The following ADGRL2 variants were observed in gnomAD, a reference collection of about 807,000 sequenced individuals.
ADGRL2 encodes the protein adhesion G protein-coupled receptor L2, also known as calcium-independent alpha-latrotoxin receptor 2.
A neutral mutation model predicts 157.4 loss-of-function variants in ADGRL2; 44 were observed. The observed-to-expected ratio is 0.28, with a 90% CI of 0.22 to 0.36. The LOEUF (loss-of-function observed/expected upper bound fraction) is 0.36, where lower values mean the gene tolerates loss of function less well. Among genes scored for constraint, ADGRL2 ranks in the 10% least tolerant of loss-of-function variants. The pLI is 1.00. For synonymous variants in ADGRL2, 585 were observed against 624.7 expected (o/e 0.94, Z 0.95); for missense variants, 1,510 against 1,768.9 (o/e 0.85, Z 2.63).
intron 2 of ADGRL2, among the ~76,000 whole-genome samples, chr1:81,469,418 C>T (rs145528666): frequency 2.6e-5 from 4 of 152,250 alleles, no homozygotes; most frequent in East Asian, 3.9e-4. Flanking sequence ...CTGTTAAAGT[C>T]GCTTACAGAC....
rs139256785 is a variant in ADGRL2, at chr1:81,499,117, C to T, written c.-248+54028C>T. Among the ~76,000 whole-genome samples, 190 of 152,330 alleles carry T rather than the reference C, an allele frequency of 1.2e-3. 1 individual carries two copies. Among genetic ancestry groups the T allele is most frequent in the African/African-American group, 4.4e-3 (184 of 41,576 alleles). On this transcript the variant is annotated intron_variant, in intron 2 of 24. Coordinates refer to the ADGRL2 transcript ENST00000370721. ...TTTTGGAGGGGCATAACACATGAAG[C>T]TTGTACAGCAATCTCTTACCTACAT...
In ADGRL2 at chr1:81,389,468, A is replaced by C. The variant is rs868391204; in HGVS notation, c.-301-55568A>C. Among the ~76,000 whole-genome samples, 17 of 152,336 alleles carry C rather than the reference A, an allele frequency of 1.1e-4. No individual in the cohort carries two copies. The South Asian group carries it at 3.5e-3, about 32-fold the overall frequency. The stretch of plus-strand genomic sequence containing the variant: ...AGCTTAGTATTTTTCCTAAATTTCA[A>C]AGAAGTTTAAAAAGTTAACAATAGC... On this transcript the variant is annotated intron_variant, in intron 1 of 24. Transcript: ENST00000370721.
intron 3 of ADGRL2, among the ~76,000 whole-genome samples, chr1:81,913,673 G>A (rs988795695): frequency 1.3e-5 from 2 of 151,950 alleles, no homozygotes; most frequent in South Asian, 2.1e-4. Flanking sequence ...ATTATAATTG[G>A]TACACTTAGT....
At chr1:81,696,178 T>A (rs1158109357), upstream of ADGRL2, among the ~76,000 whole-genome samples, 1 of 152,164 alleles carries the variant, frequency 6.6e-6, no homozygotes, top group African/African-American at 2.4e-5. Flanking sequence ...TTTTCATTTT[T>A]ACAAAACAGC....
chr1:81,533,223 AC>A (rs1156714193), intron 2 of ADGRL2, among the ~76,000 whole-genome samples: 2 of 151,892 alleles, frequency 1.3e-5, no homozygotes, highest in Non-Finnish European at 2.9e-5. Context: ...TACTACAAAT[AC>A]AAAAATTAAT....
At chr1:81,570,031 G>A (rs956399312) in intron 2 of ADGRL2, among the ~76,000 whole-genome samples, 1 of 151,976 alleles carries the variant, frequency 6.6e-6, no homozygotes, top group Non-Finnish European at 1.5e-5. Context: ...TCCTCTCAAC[G>A]CATCTTAACC....
chr1:81,380,402 G>C (rs2076323961), intron 1 of ADGRL2, among the ~76,000 whole-genome samples: 1 of 152,088 alleles, frequency 6.6e-6, no homozygotes, highest in Admixed American at 6.6e-5. Flanking sequence ...GCATTTTTAT[G>C]ATTACTTTTT....
At chr1:81,655,249 C>T (rs2082506777) in intron 3 of ADGRL2, among the ~76,000 whole-genome samples, 1 of 152,192 alleles carries the variant, frequency 6.6e-6, no homozygotes, top group South Asian at 2.1e-4. Flanking sequence ...ATCCGCCCGC[C>T]TCGGCCTCCC....
chr1:81,843,050 C>T (rs920688767), intron 2 of ADGRL2, among the ~76,000 whole-genome samples: 7 of 152,156 alleles, frequency 4.6e-5, no homozygotes, highest in African/African-American at 1.7e-4. Context: ...TTTGTGCCTG[C>T]TGCATAGCAA....
intron 1 of ADGRL2, among the ~76,000 whole-genome samples, chr1:81,384,417 C>A (rs2076399446): frequency 6.6e-6 from 1 of 152,018 alleles, no homozygotes; most frequent in African/African-American, 2.4e-5. Context: ...GGAAAAAAAT[C>A]TTAAAACTCA....
At chr1:81,565,629 A>AT (rs1281413929) in intron 2 of ADGRL2, among the ~76,000 whole-genome samples, 1 of 152,124 alleles carries the variant, frequency 6.6e-6, no homozygotes, top group African/African-American at 2.4e-5. Flanking sequence ...CCTTCATTTC[A>AT]TGCTGCCCCT....
intron 2 of ADGRL2, among the ~76,000 whole-genome samples, chr1:81,787,858 C>G (rs2087133493): frequency 6.6e-6 from 1 of 151,982 alleles, no homozygotes; most frequent in African/African-American, 2.4e-5. Context: ...ACCCTTTGAA[C>G]AAAGTAAAGC....
chr1:81,859,779 G>A (rs918791921), intron 2 of ADGRL2, among the ~76,000 whole-genome samples: 12 of 151,908 alleles, frequency 7.9e-5, no homozygotes, highest in African/African-American at 2.2e-4. Flanking sequence ...TTTTTGTGAG[G>A]CTTTTTAAAA....
intron 8 of ADGRL2, 24 bp downstream of exon 8, chr1:81,951,145 A>C: frequency 6.8e-7 from 1 of 1,473,194 alleles, no homozygotes; most frequent in Non-Finnish European, 9.5e-7. Flanking sequence ...TTTTAATATG[A>C]CACATTGGTG....
At chr1:81,449,121 T>G (rs2077658485) in intron 2 of ADGRL2, among the ~76,000 whole-genome samples, 3 of 152,166 alleles carry the variant, frequency 2.0e-5, no homozygotes, top group African/African-American at 7.2e-5. Context: ...ATAGTGCTTT[T>G]GGGGGCTAAA....
At chr1:81,818,951 C>T (rs1366155618) in intron 1 of ADGRL2, among the ~76,000 whole-genome samples, 5 of 151,954 alleles carry the variant, frequency 3.3e-5, no homozygotes, top group Non-Finnish European at 5.9e-5. Context: ...AAATATAGTG[C>T]CTTAGGGGGA....
intron 2 of ADGRL2, among the ~76,000 whole-genome samples, chr1:81,771,866 G>A (rs1224785946): frequency 6.6e-6 from 1 of 152,194 alleles, no homozygotes; most frequent in Non-Finnish European, 1.5e-5. Flanking sequence ...ACTCATAAAA[G>A]ACTTCAAACT....
chr1:81,938,974 C>G (rs1212301807), intron 4 of ADGRL2, among the ~76,000 whole-genome samples: 1 of 151,440 alleles, frequency 6.6e-6, no homozygotes, highest in African/African-American at 2.4e-5. Flanking sequence ...CTCTTTTACA[C>G]GTTACTTAGT....
chr1:81,616,679 CTT>C (rs1164087131), intron 3 of ADGRL2, among the ~76,000 whole-genome samples: 5 of 105,952 alleles, frequency 4.7e-5, no homozygotes, highest in Admixed American at 1.1e-4. Flanking sequence ...CTTTTCTTTT[CTT>C]TTTTTTTTTT....
Sources: allele counts gnomAD v4.1 joint callset (sites outside exome capture counted in the v4.1 genomes callset), GRCh38; gene constraint gnomAD v4.1.1; transcripts MANE v1.5; gene names NCBI Gene and HGNC (gene_info 2026-07-23, HGNC 2026-07-21).